MDFIC2: variants seen among roughly 807,000 people sequenced by gnomAD.
MDFIC2 encodes myoD family inhibitor domain-containing protein 2.
intron 2 of MDFIC2, among the ~76,000 whole-genome samples, chr3:70,244,964 C>G (rs1312917326): frequency 1.3e-5 from 2 of 152,096 alleles, no homozygotes; most frequent in African/African-American, 4.8e-5. Flanking sequence ...ATATAAAAAT[C>G]ATACTACTTA....
At chr3:70,251,034 A>G (rs1701761456) in intron 2 of MDFIC2, among the ~76,000 whole-genome samples, 1 of 152,228 alleles carries the variant, frequency 6.6e-6, no homozygotes. Flanking sequence ...CTTTCCAGAG[A>G]GACTTAGAGA....
chr3:70,290,179 A>G (rs535023012), intron 2 of MDFIC2, among the ~76,000 whole-genome samples: 8,718 of 151,906 alleles, frequency 0.057, 369 homozygotes, highest in Non-Finnish European at 0.084. Context: ...TTTTTTCCCC[A>G]TCTTTGTGGT....
intron 2 of MDFIC2, among the ~76,000 whole-genome samples, chr3:70,269,230 A>G (rs1701952210): frequency 6.6e-6 from 1 of 152,232 alleles, no homozygotes; most frequent in South Asian, 2.1e-4. Flanking sequence ...ATTATCAATT[A>G]TAGGCTAGGT....
intron 2 of MDFIC2, among the ~76,000 whole-genome samples, chr3:70,281,588 T>A (rs1218347232): frequency 6.6e-6 from 1 of 152,022 alleles, no homozygotes; most frequent in Non-Finnish European, 1.5e-5. Context: ...AACAAATTGC[T>A]CTAGTTATGT....
intron 2 of MDFIC2, among the ~76,000 whole-genome samples, chr3:70,290,595 G>A (rs1407996438): frequency 6.6e-6 from 1 of 152,244 alleles, no homozygotes; most frequent in South Asian, 2.1e-4. Context: ...CACCCAGTTC[G>A]AGTTTCCGGG....
intron 2 of MDFIC2, among the ~76,000 whole-genome samples, chr3:70,268,746 A>T (rs986535270): frequency 6.6e-6 from 1 of 152,158 alleles, no homozygotes; most frequent in African/African-American, 2.4e-5. Flanking sequence ...GCTTTAGAGA[A>T]ATACTTCAAT....
intron 2 of MDFIC2, among the ~76,000 whole-genome samples, chr3:70,256,951 G>A (rs1701822349): frequency 6.6e-6 from 1 of 152,172 alleles, no homozygotes; most frequent in South Asian, 2.1e-4. Context: ...TCCACCCTGT[G>A]AAGCACAAGG....
intron 3 of MDFIC2, among the ~76,000 whole-genome samples, chr3:70,197,831 G>A (rs142383280): frequency 3.3e-5 from 5 of 152,146 alleles, no homozygotes; most frequent in Non-Finnish European, 5.9e-5. Context: ...AGTGAAATAC[G>A]TCATCATATG....
chr3:70,242,159 G>C (rs1294391118), intron 2 of MDFIC2, among the ~76,000 whole-genome samples: 1 of 152,152 alleles, frequency 6.6e-6, no homozygotes, highest in Non-Finnish European at 1.5e-5. Context: ...TATTTCTACT[G>C]GTAAAAGCAG....
intron 2 of MDFIC2, among the ~76,000 whole-genome samples, chr3:70,307,293 C>T (rs1170260098): frequency 1.3e-5 from 2 of 152,108 alleles, no homozygotes; most frequent in African/African-American, 4.8e-5. Flanking sequence ...CCTGAAAAAT[C>T]AGGAGACACT....
At chr3:70,277,063 T>C (rs1030677152) in intron 2 of MDFIC2, among the ~76,000 whole-genome samples, 1 of 152,076 alleles carries the variant, frequency 6.6e-6, no homozygotes, top group Non-Finnish European at 1.5e-5. Context: ...ATGAGTGAAA[T>C]CAGAATTATT....
At chr3:70,251,293 CAGAA>C (rs1701765598) in intron 2 of MDFIC2, among the ~76,000 whole-genome samples, 1 of 152,144 alleles carries the variant, frequency 6.6e-6, no homozygotes, top group Non-Finnish European at 1.5e-5. Context: ...ACTCAATGTC[CAGAA>C]AGTAAAGTGA....
intron 2 of MDFIC2, among the ~76,000 whole-genome samples, chr3:70,267,425 G>T (rs1575610651): frequency 7.7e-6 from 1 of 129,622 alleles, no homozygotes; most frequent in African/African-American, 2.9e-5. Context: ...TTTTTTGAGC[G>T]GGAGTCTCGC....
chr3:70,309,372 T>C (rs1397439458), intron 2 of MDFIC2, among the ~76,000 whole-genome samples: 2 of 152,198 alleles, frequency 1.3e-5, no homozygotes, highest in East Asian at 1.9e-4. Flanking sequence ...CTATTACCAA[T>C]GGTTCAAAGT....
chr3:70,292,654 G>A (rs1311863682), intron 2 of MDFIC2, among the ~76,000 whole-genome samples: 1 of 152,004 alleles, frequency 6.6e-6, no homozygotes, highest in Non-Finnish European at 1.5e-5. Flanking sequence ...ACTCCCTAAT[G>A]ATTGATGAAA....
intron 2 of MDFIC2, among the ~76,000 whole-genome samples, chr3:70,258,454 A>G (rs7616565): frequency 0.69 from 104,841 of 151,988 alleles, 36,792 homozygotes; most frequent in Non-Finnish European, 0.74. Context: ...ATTTACTTAC[A>G]TTGTTACAAC....
intron 2 of MDFIC2, among the ~76,000 whole-genome samples, chr3:70,295,891 T>G (rs1031053611): frequency 6.6e-6 from 1 of 152,180 alleles, no homozygotes. Context: ...GATCTTTGCC[T>G]TGTTTCCCAT....
At chr3:70,263,176 C>A (rs1007943343) in intron 2 of MDFIC2, among the ~76,000 whole-genome samples, 1 of 151,886 alleles carries the variant, frequency 6.6e-6, no homozygotes, top group Non-Finnish European at 1.5e-5. Flanking sequence ...TGTTTTTAAC[C>A]AACTGATTTT....
chr3:70,232,426 G>A (rs1257314890), intron 2 of MDFIC2, among the ~76,000 whole-genome samples: 2 of 150,464 alleles, frequency 1.3e-5, no homozygotes, highest in Admixed American at 6.6e-5. Context: ...TTCTTGCGAT[G>A]GAGTCTCGCT....
Sources: allele counts gnomAD v4.1 joint callset (sites outside exome capture counted in the v4.1 genomes callset), GRCh38; gene constraint gnomAD v4.1.1; transcripts MANE v1.5; gene names NCBI Gene and HGNC (gene_info 2026-07-23, HGNC 2026-07-21).